The following CLNK variants were observed in gnomAD, a reference collection of about 807,000 sequenced individuals.
CLNK encodes cytokine dependent hematopoietic cell linker, also known as cytokine-dependent hematopoietic cell linker.
A neutral mutation model predicts 68.6 loss-of-function variants in CLNK; 74 were observed. The ratio of observed to expected loss-of-function variants is 1.08; its 90% CI spans 0.89 to 1.31. The LOEUF (loss-of-function observed/expected upper bound fraction) is 1.31, where lower values mean the gene tolerates loss of function less well. Among genes scored for constraint, CLNK ranks in the 50% most tolerant of loss-of-function variants. The pLI is 0.00. For missense variants in CLNK, 553 were observed against 515.3 expected, an observed-to-expected ratio of 1.07 and a Z score of -0.71; for synonymous variants, 198 against 172.2, an observed-to-expected ratio of 1.15 and a Z score of -1.17.
At chr4:10,537,628 T>TCTCC (rs1718817989) in intron 11 of CLNK, among the ~76,000 whole-genome samples, 1 of 135,976 alleles carries the variant, frequency 7.4e-6, no homozygotes, top group Admixed American at 7.7e-5. Context: ...TCTCTTTCTT[T>TCTCC]CTTTCTTTCT....
intron 5 of CLNK, among the ~76,000 whole-genome samples, chr4:10,566,354 G>T (rs1210265146): frequency 1.3e-5 from 2 of 152,124 alleles, no homozygotes; most frequent in Admixed American, 1.3e-4. Flanking sequence ...CTCATCTCTG[G>T]TTACTGAATC....
the CLNK span, among the ~76,000 whole-genome samples, chr4:10,699,623 C>T: frequency 6.7e-6 from 1 of 149,536 alleles, no homozygotes; most frequent in Non-Finnish European, 1.5e-5. Flanking sequence ...AGCAATTGTC[C>T]TGCCTCAGCC....
In CLNK at chr4:10,488,289, G is replaced by T. The variant is rs1186823146; in HGVS notation, c.*2178C>A. On this transcript the variant is annotated 3_prime_UTR_variant, in exon 19 of 19. Transcript: ENST00000226951. ...ATTCACCTATTTTATCAACAGCAAT[G>T]GTTGAGAGGACTCATAGACATTTCT... is the stretch of plus-strand genomic sequence containing the variant. 6.6e-6 allele frequency: 1 copy of T among 152,150 alleles called. No homozygotes were observed. Among genetic ancestry groups the T allele is most frequent in the African/African-American group, 2.4e-5 (1 of 41,420 alleles). The allele number at this position is 152,150 out of a possible 1,614,324, so 9.4% of individuals were successfully genotyped here. A position where few individuals can be genotyped will look rare whatever the true frequency, so the allele number is the denominator to read the frequency against.
At chr4:10,676,128 C>T (rs887129361) in intron 1 of CLNK, among the ~76,000 whole-genome samples, 4 of 151,478 alleles carry the variant, frequency 2.6e-5, no homozygotes, top group South Asian at 2.1e-4. Flanking sequence ...GTAAACATGT[C>T]GAAATCAAGA....
chr4:10,548,687 G>T (rs1719331778), intron 8 of CLNK, among the ~76,000 whole-genome samples: 1 of 152,232 alleles, frequency 6.6e-6, no homozygotes, highest in South Asian at 2.1e-4. Context: ...CTTGCATGGT[G>T]TGAGGAACGT....
intron 17 of CLNK, among the ~76,000 whole-genome samples, chr4:10,507,124 G>C (rs999238087): frequency 6.9e-6 from 1 of 145,468 alleles, no homozygotes; most frequent in African/African-American, 2.6e-5. Context: ...CATGTTTTTT[G>C]TTTTTGAGAC....
chr4:10,605,792 C>T (rs558268739), intron 2 of CLNK, among the ~76,000 whole-genome samples: 1 of 118,248 alleles, frequency 8.5e-6, no homozygotes, highest in Non-Finnish European at 1.6e-5. Context: ...CACACCACTG[C>T]ACTGTAGCCT....
chr4:10,670,951 T>C (rs1724605199), intron 1 of CLNK, among the ~76,000 whole-genome samples: 1 of 152,238 alleles, frequency 6.6e-6, no homozygotes, highest in Non-Finnish European at 1.5e-5. Flanking sequence ...TGATTGGTAA[T>C]ATCAGTGCTT....
At chr4:10,696,552 T>G in the CLNK span, among the ~76,000 whole-genome samples, 1 of 152,160 alleles carries the variant, frequency 6.6e-6, no homozygotes, top group Non-Finnish European at 1.5e-5. Flanking sequence ...CAATAAACTC[T>G]TTGCCCTTTT....
chr4:10,526,767 C>A (rs2109054249), intron 13 of CLNK, among the ~76,000 whole-genome samples: 1 of 152,296 alleles, frequency 6.6e-6, no homozygotes, highest in East Asian at 1.9e-4. Flanking sequence ...ACCATACAAT[C>A]TGGAGTTATT....
At chr4:10,724,537 T>C in the CLNK span, among the ~76,000 whole-genome samples, 15 of 152,254 alleles carry the variant, frequency 9.9e-5, no homozygotes, top group African/African-American at 3.4e-4. Context: ...AGAAAGTTCT[T>C]TCTGTTTTGT....
intron 3 of CLNK, among the ~76,000 whole-genome samples, chr4:10,586,855 C>T (rs553540941): frequency 6.6e-6 from 1 of 152,326 alleles, no homozygotes; most frequent in South Asian, 2.1e-4. Flanking sequence ...ACCCATTTCA[C>T]TTCCTTGATG....
In CLNK at chr4:10,643,577, G is replaced by A. The variant is rs6821453; in HGVS notation, c.11+24282C>T. On this transcript the variant is annotated intron_variant, in intron 2 of 18. Transcript: ENST00000226951. The stretch of plus-strand genomic sequence containing the variant: ...CACTGGGAAGAAGATATGCAGCCAC[G>A]CTCAGGCGCATAATAACAGAGGATT... Among the ~76,000 whole-genome samples, 14 of 152,328 alleles carry A rather than the reference G, an allele frequency of 9.2e-5. No homozygotes were observed. The East Asian group carries it at 2.5e-3, about 27-fold the overall frequency.
At chr4:10,699,242 A>ACACACCACG in the CLNK span, among the ~76,000 whole-genome samples, 682 of 56,868 alleles carry the variant, frequency 0.012, 70 homozygotes, top group African/African-American at 0.041. Context: ...ATACACACAC[A>ACACACCACG]TACACACCAC....
chr4:10,714,271 T>C, the CLNK span, among the ~76,000 whole-genome samples: 1 of 152,198 alleles, frequency 6.6e-6, no homozygotes, highest in African/African-American at 2.4e-5. Context: ...ACTTGTGACT[T>C]AAATTGAGTA....
At chr4:10,531,599 A>G in intron 12 of CLNK, 1 of 371,052 alleles carries the variant, frequency 2.7e-6, no homozygotes, top group South Asian at 2.0e-5. Flanking sequence ...GCGCCACCAC[A>G]CCTGGCTAAT....
At chr4:10,671,786 G>A (rs1481205605) in intron 1 of CLNK, among the ~76,000 whole-genome samples, 2 of 152,092 alleles carry the variant, frequency 1.3e-5, no homozygotes, top group Non-Finnish European at 2.9e-5. Flanking sequence ...AACCAAACAA[G>A]TTTTAGTTAT....
chr4:10,619,107 C>G (rs1176989154), intron 2 of CLNK, among the ~76,000 whole-genome samples: 1 of 152,216 alleles, frequency 6.6e-6, no homozygotes, highest in African/African-American at 2.4e-5. Flanking sequence ...CTGTGTTCTA[C>G]ACTGCCAGTT....
intron 13 of CLNK, among the ~76,000 whole-genome samples, chr4:10,526,829 CAGAT>C (rs1161882919): frequency 2.6e-5 from 4 of 152,138 alleles, no homozygotes; most frequent in Non-Finnish European, 5.9e-5. Flanking sequence ...CTTTTCATCA[CAGAT>C]AGATTTAACT....
Sources: allele counts gnomAD v4.1 joint callset (sites outside exome capture counted in the v4.1 genomes callset), GRCh38; gene constraint gnomAD v4.1.1; transcripts MANE v1.5; gene names NCBI Gene and HGNC (gene_info 2026-07-23, HGNC 2026-07-21).